FBXW7: variants seen among roughly 807,000 people sequenced by gnomAD.
The protein encoded by FBXW7 is F-box and WD repeat domain containing 7.
FBXW7 carries 11 observed loss-of-function variants against 86.3 expected under a neutral mutation model. The observed-to-expected ratio is 0.13, with a 90% CI of 0.08 to 0.21. FBXW7 has a LOEUF of 0.21. FBXW7 is among the 10% of genes least tolerant of loss of function. FBXW7 has a pLI of 1.00. For synonymous variants in FBXW7, 313 were observed against 297.9 expected (o/e 1.05, Z -0.52); for missense variants, 488 against 847.4 (o/e 0.58, Z 5.27).
intron 4 of FBXW7, among the ~76,000 whole-genome samples, chr4:152,376,999 T>C (rs1002688847): frequency 1.3e-5 from 2 of 152,138 alleles, no homozygotes; most frequent in African/African-American, 4.8e-5. Flanking sequence ...GGGACGGTGC[T>C]ACAAAAATTA....
intron 4 of FBXW7, among the ~76,000 whole-genome samples, chr4:152,408,349 T>A (rs76823081): frequency 0.014 from 2,182 of 152,216 alleles, 27 homozygotes; most frequent in Middle Eastern, 0.041. Flanking sequence ...CAACTTTTTT[T>A]AAAAAAATAT....
intron 2 of FBXW7, among the ~76,000 whole-genome samples, chr4:152,488,568 C>T (rs1406737269): frequency 6.6e-6 from 1 of 152,182 alleles, no homozygotes; most frequent in East Asian, 1.9e-4. Flanking sequence ...GCCACATGAA[C>T]TTAAAAGTTC....
At position 152,513,488 on chromosome 4, in the gene FBXW7, T is replaced by C. The variant is rs1044363086; in HGVS notation, c.-120+21453A>G. On this transcript the variant is annotated intron_variant, in intron 2 of 13. Coordinates refer to ENST00000281708, the MANE Select transcript of FBXW7 (RefSeq NM_001349798.2). ...GAATACATAAATTTAAACAAAGAGG[T>C]AAAAGAATTGTCAATAATAATGTAT... Among the ~76,000 whole-genome samples, 6 of 151,868 alleles carry C rather than the reference T, an allele frequency of 4.0e-5. 1 individual carries two copies. The highest frequency in any genetic ancestry group is 3.4e-3 in the Middle Eastern group (1 of 292).
At chr4:152,497,960 T>C (rs563859351) in intron 2 of FBXW7, among the ~76,000 whole-genome samples, 34 of 152,316 alleles carry the variant, frequency 2.2e-4, no homozygotes, top group African/African-American at 6.7e-4. Context: ...ACACAGGTCA[T>C]CTTTTGTGTA....
Position 152,329,762 on chromosome 4 carries a change from A to G in FBXW7, c.1146T>C (p.His382=). 6.3e-7 allele frequency: 1 copy of G among 1,581,942 alleles called. No homozygotes were observed. The highest frequency in any genetic ancestry group is 1.2e-5 in the South Asian group (1 of 85,982). The change falls in exon 10 of 14, where the codon CAT becomes CAC. Residue 382 remains histidine, a synonymous_variant. Transcript: ENST00000281708. ...SPKVLKGHDD[H]VITCLQFCGN... ...CACAAAACTGTAAGCATGTGATCAC[A>G]TGATCATCATGTCCTTTCAGCACCT...
At chr4:152,445,496 C>T (rs193184864) in intron 2 of FBXW7, among the ~76,000 whole-genome samples, 1 of 152,324 alleles carries the variant, frequency 6.6e-6, no homozygotes, top group East Asian at 1.9e-4. Context: ...GACATTGGTT[C>T]TGCTATTTCC....
At chr4:152,475,020 T>C (rs1202743212) in intron 2 of FBXW7, among the ~76,000 whole-genome samples, 1 of 151,970 alleles carries the variant, frequency 6.6e-6, no homozygotes, top group Non-Finnish European at 1.5e-5. Flanking sequence ...GAGAATCACT[T>C]GAACCCAGGA....
intron 2 of FBXW7, among the ~76,000 whole-genome samples, chr4:152,483,169 T>C (rs1280121779): frequency 4.6e-5 from 7 of 152,196 alleles, no homozygotes; most frequent in African/African-American, 1.7e-4. Flanking sequence ...CATATTTCTA[T>C]GAAAACTAAT....
intron 2 of FBXW7, among the ~76,000 whole-genome samples, chr4:152,510,282 CA>C (rs1747836292): frequency 6.6e-6 from 1 of 152,140 alleles, no homozygotes; most frequent in East Asian, 1.9e-4. Context: ...AAAGTTATGT[CA>C]GTATATCTGT....
Position 152,535,279 on chromosome 4 carries a change from C to T in FBXW7, c.-365G>A. ...CTGCGGCCGGCCCCCCGGGTCCCCCCCGGCCCCGCCGCCCTCGGGACTGGG... is the reference window on the plus strand; with the variant it reads ...CTGCGGCCGGCCCCCCGGGTCCCCCTCGGCCCCGCCGCCCTCGGGACTGGG... On this transcript the variant is annotated 5_prime_UTR_variant, in exon 1 of 14. Transcript: ENST00000281708. 3.6e-6 allele frequency: 1 copy of T among 278,882 alleles called. No individual in the cohort carries two copies. Among genetic ancestry groups the T allele is most frequent in the Non-Finnish European group, 6.7e-6 (1 of 149,746 alleles). 17.3% of individuals were successfully genotyped at this position (278,882 alleles called of 1,614,324 possible).
Position 152,535,538 on chromosome 4 carries a change from C to A in FBXW7, c.-624G>T. ...AGCTTGGTTGGGGCCCCGGTTCATA[C>A]ACTCCGGGGCAAGATGCTACGGCCC... is the stretch of plus-strand genomic sequence containing the variant. On this transcript the variant is annotated 5_prime_UTR_variant, in exon 1 of 14. Coordinates refer to ENST00000281708, the MANE Select transcript of FBXW7 (RefSeq NM_001349798.2). 2.5e-6 allele frequency: 1 copy of A among 395,942 alleles called. No individual in the cohort carries two copies. The highest frequency in any genetic ancestry group is 2.1e-5 in the African/African-American group (1 of 48,522). 24.5% of individuals were successfully genotyped at this position (395,942 alleles called of 1,614,324 possible).
intron 2 of FBXW7, among the ~76,000 whole-genome samples, chr4:152,496,238 A>G (rs1416887878): frequency 2.0e-5 from 3 of 152,222 alleles, no homozygotes; most frequent in Non-Finnish European, 2.9e-5. Context: ...AAATCAAGAT[A>G]CAAACAGCAA....
At chr4:152,343,743 T>C (rs1432137005) in intron 6 of FBXW7, among the ~76,000 whole-genome samples, 1 of 152,148 alleles carries the variant, frequency 6.6e-6, no homozygotes, top group Non-Finnish European at 1.5e-5. Flanking sequence ...CTCGCTTCCC[T>C]AAATTAACTG....
At chr4:152,396,672 C>G (rs1164996622) in intron 4 of FBXW7, among the ~76,000 whole-genome samples, 1 of 151,994 alleles carries the variant, frequency 6.6e-6, no homozygotes, top group Non-Finnish European at 1.5e-5. Flanking sequence ...CATGCACCAG[C>G]TATATTATGC....
At chr4:152,443,194 G>A (rs1334221753) in intron 2 of FBXW7, among the ~76,000 whole-genome samples, 1 of 152,110 alleles carries the variant, frequency 6.6e-6, no homozygotes, top group Non-Finnish European at 1.5e-5. Context: ...CCCGGGAGGC[G>A]GAGGTTGTGG....
At chr4:152,424,855 CTTCT>C (rs1156961356) in intron 2 of FBXW7, among the ~76,000 whole-genome samples, 3 of 152,192 alleles carry the variant, frequency 2.0e-5, no homozygotes, top group African/African-American at 2.4e-5. Context: ...CAAATTAAGA[CTTCT>C]TTCTTGAAAT....
intron 2 of FBXW7, among the ~76,000 whole-genome samples, chr4:152,481,978 T>C (rs1744924331): frequency 6.6e-6 from 1 of 152,214 alleles, no homozygotes. Context: ...TTGAGAGAAC[T>C]GCCCTCCAAT....
chr4:152,330,902 C>T (rs755904088), intron 8 of FBXW7, 34 bp from the exon 9 acceptor site: 36 of 1,599,720 alleles, frequency 2.3e-5, no homozygotes, highest in Middle Eastern at 3.3e-4. Context: ...AAATTGCCTT[C>T]ACCAATAATA....
At chr4:152,406,640 GAAGA>G (rs1402206705) in intron 4 of FBXW7, among the ~76,000 whole-genome samples, 8 of 152,286 alleles carry the variant, frequency 5.3e-5, no homozygotes, top group Middle Eastern at 3.4e-3. Context: ...TTAAAGATTA[GAAGA>G]AAGTCTAGAG....
Sources: allele counts gnomAD v4.1 joint callset (sites outside exome capture counted in the v4.1 genomes callset), GRCh38; gene constraint gnomAD v4.1.1; transcripts MANE v1.5; gene names NCBI Gene and HGNC (gene_info 2026-07-23, HGNC 2026-07-21).